HDAC8: variants seen among roughly 807,000 people sequenced by gnomAD.
The protein encoded by HDAC8 is histone deacetylase 8, also known as histone deacetylase-like 1.
In HDAC8, 1 loss-of-function variant was observed where a neutral mutation model predicts 32.2. The observed-to-expected ratio is 0.03, with a 90% CI of 0.01 to 0.15. The LOEUF is 0.15. Among genes scored for constraint, HDAC8 ranks in the 10% least tolerant of loss-of-function variants. The pLI, the probability that HDAC8 is intolerant of heterozygous loss-of-function variation, is 1.00. For missense variants in HDAC8, 117 were observed against 300.0 expected, an observed-to-expected ratio of 0.39 and a Z score of 4.51; for synonymous variants, 108 against 113.9, an observed-to-expected ratio of 0.95 and a Z score of 0.33.
At chrX:72,529,181 T>C (rs1210181695) in intron 4 of HDAC8, among the ~76,000 whole-genome samples, 1 of 112,363 alleles carries the variant, frequency 8.9e-6, no homozygotes, top group Non-Finnish European at 1.9e-5. Flanking sequence ...GGCTGAATAG[T>C]GGACCCTAAA....
intron 9 of HDAC8, among the ~76,000 whole-genome samples, chrX:72,410,136 A>G (rs1382144939): frequency 2.7e-5 from 3 of 110,992 alleles, no homozygotes; most frequent in South Asian, 4.0e-4. Context: ...AATGGGAACA[A>G]TGGGAGACAA....
chrX:72,467,632 A>G (rs2048056651), intron 7 of HDAC8: 2 of 189,748 alleles, frequency 1.1e-5, no homozygotes, highest in African/African-American at 6.2e-5. Flanking sequence ...CTTAAAGGGT[A>G]CAAAATGTCT....
intron 4 of HDAC8, among the ~76,000 whole-genome samples, chrX:72,515,363 T>A (rs1556024338): frequency 9.0e-6 from 1 of 110,977 alleles, no homozygotes; most frequent in Non-Finnish European, 1.9e-5. Flanking sequence ...ACTTCCTTCT[T>A]TTTCAAGGCT....
intron 4 of HDAC8, chrX:72,567,533 C>T (rs1354302748): frequency 7.1e-6 from 3 of 422,887 alleles, no homozygotes; most frequent in Admixed American, 4.1e-5. Context: ...GTAAGTCCCT[C>T]GAAGACAGGG....
At chrX:72,441,144 G>T (rs1379503324) in intron 9 of HDAC8, among the ~76,000 whole-genome samples, 2 of 113,018 alleles carry the variant, frequency 1.8e-5, no homozygotes, top group South Asian at 7.3e-4. Context: ...AACCTCTGCA[G>T]ACTTAAATGT....
intron 4 of HDAC8, among the ~76,000 whole-genome samples, chrX:72,536,038 A>G (rs1373913611): frequency 4.5e-5 from 5 of 111,849 alleles, no homozygotes; most frequent in African/African-American, 1.6e-4. Context: ...AACAGATTAT[A>G]TAATCAGATG....
intron 9 of HDAC8, among the ~76,000 whole-genome samples, chrX:72,421,442 A>C (rs1555973570): frequency 1.8e-5 from 2 of 111,385 alleles, no homozygotes; most frequent in Non-Finnish European, 3.8e-5. Context: ...GTTGGGGAAA[A>C]AAGTGAGAAC....
rs139062387 is a variant in HDAC8, at chrX:72,494,512, G to A, written c.550+644C>T. Among the ~76,000 whole-genome samples, 79 of 111,437 alleles carry A rather than the reference G, an allele frequency of 7.1e-4. No homozygotes were observed. The East Asian group carries it at 0.021, about 29-fold the overall frequency. ...AGAGGATTGCTTAAAGAAACAGAAT[G>A]TGGCAACTGTCACTGGAGCTCTACA... On this transcript the variant is annotated intron_variant, in intron 5 of 10. Transcript: ENST00000373573.
intron 4 of HDAC8, among the ~76,000 whole-genome samples, chrX:72,503,403 A>G (rs1238935930): frequency 8.9e-6 from 1 of 112,096 alleles, no homozygotes; most frequent in East Asian, 2.8e-4. Context: ...AACTAATTAC[A>G]TAGACCTGAA....
chrX:72,519,450 T>A (rs2049913763), intron 4 of HDAC8, among the ~76,000 whole-genome samples: 1 of 112,391 alleles, frequency 8.9e-6, no homozygotes, highest in Non-Finnish European at 1.9e-5. Flanking sequence ...TTTCTCAACA[T>A]CCTTGCCAAC....
At chrX:72,361,570 G>A (rs1555952587) in intron 9 of HDAC8, among the ~76,000 whole-genome samples, 1 of 110,430 alleles carries the variant, frequency 9.1e-6, no homozygotes, top group African/African-American at 3.3e-5. Context: ...CATATATATA[G>A]CCCATTTGCA....
chrX:72,543,945 C>T (rs2050785123), intron 4 of HDAC8, among the ~76,000 whole-genome samples: 2 of 112,654 alleles, frequency 1.8e-5, no homozygotes. Flanking sequence ...TGGGCTGCGC[C>T]ATGATGAACC....
At chrX:72,436,866 G>C (rs1219712562) in intron 9 of HDAC8, among the ~76,000 whole-genome samples, 1 of 111,717 alleles carries the variant, frequency 9.0e-6, no homozygotes, top group Non-Finnish European at 1.9e-5. Context: ...GTGAAATGTT[G>C]ATACTAGTAG....
intron 10 of HDAC8, among the ~76,000 whole-genome samples, chrX:72,332,026 T>C (rs191389126): frequency 4.4e-5 from 5 of 112,457 alleles, no homozygotes; most frequent in Admixed American, 9.4e-5. Flanking sequence ...AATGGAACCA[T>C]ACAGTATATA....
chrX:72,467,885 C>T lies in HDAC8; in HGVS notation c.738-3154G>A, dbSNP rs1569320330. 6.1e-6 allele frequency: 6 copies of T among 990,047 alleles called. No homozygotes were observed. The East Asian group carries it at 2.0e-4, about 34-fold the overall frequency. The allele number at this position is 990,047 out of a possible 1,213,427, so 81.6% of individuals were successfully genotyped here. A position where few individuals can be genotyped will look rare whatever the true frequency, so the allele number is the denominator to read the frequency against. ...ACACAAGAAAAGCATATACATATAA[C>T]ATTTATGAGTGTTTGGTATTTAGGA... On this transcript the variant is annotated intron_variant, in intron 7 of 10. Coordinates refer to ENST00000373573, the MANE Select transcript of HDAC8 (RefSeq NM_018486.3).
At chrX:72,511,934 G>A (rs1556022130) in intron 4 of HDAC8, among the ~76,000 whole-genome samples, 2 of 111,980 alleles carry the variant, frequency 1.8e-5, no homozygotes, top group African/African-American at 6.5e-5. Context: ...GACTTTTTCT[G>A]TAAACAAGTA....
chrX:72,393,806 C>T (rs1346807671), intron 9 of HDAC8, among the ~76,000 whole-genome samples: 1 of 112,166 alleles, frequency 8.9e-6, no homozygotes, highest in African/African-American at 3.2e-5. Flanking sequence ...TCAAAATAAA[C>T]AATGGGCAGA....
intron 10 of HDAC8, among the ~76,000 whole-genome samples, chrX:72,345,167 T>C (rs2043993074): frequency 8.9e-6 from 1 of 111,735 alleles, no homozygotes; most frequent in African/African-American, 3.3e-5. Flanking sequence ...CAAAAATATA[T>C]GTGTTGATTG....
At chrX:72,474,562 A>G in intron 7 of HDAC8, 1 of 1,161,212 alleles carries the variant, frequency 8.6e-7, no homozygotes, top group Non-Finnish European at 1.2e-6. Context: ...TACATTAGTA[A>G]CTTCCCTATA....
Sources: gnomAD v4.1 joint callset for allele counts (sites outside exome capture counted in the v4.1 genomes callset) on GRCh38, gnomAD v4.1.1 for gene constraint, MANE v1.5 for transcripts, NCBI Gene and HGNC (gene_info 2026-07-23, HGNC 2026-07-21) for gene names.